Variants in IDE observed in about 807,000 individuals in gnomAD.
The protein encoded by IDE is insulin-degrading enzyme.
In IDE, 58 loss-of-function variants were observed where a neutral mutation model predicts 133.2. The ratio of observed to expected loss-of-function variants is 0.44; its 90% CI spans 0.35 to 0.54. The LOEUF is 0.54. Ranked by LOEUF, IDE falls within the 20% of genes least tolerant of loss-of-function variation. The probability of loss-of-function intolerance (pLI) is 0.00; values close to 1 mark genes in which losing one functional copy is unlikely to be tolerated. For synonymous variants in IDE, 396 were observed against 421.3 expected, an observed-to-expected ratio of 0.94 and a Z score of 0.73; for missense variants, 981 against 1,234.0, an observed-to-expected ratio of 0.79 and a Z score of 3.07.
chr10:92,513,522 G>A (rs1848736385), intron 5 of IDE, among the ~76,000 whole-genome samples: 1 of 152,040 alleles, frequency 6.6e-6, no homozygotes, highest in African/African-American at 2.4e-5. Flanking sequence ...ATTTTGTGGG[G>A]GGGATATGTC....
intron 5 of IDE, among the ~76,000 whole-genome samples, chr10:92,512,835 C>T (rs564123944): frequency 2.0e-5 from 3 of 152,092 alleles, no homozygotes; most frequent in Non-Finnish European, 4.4e-5. Flanking sequence ...CAAAAGTTAC[C>T]ATAATTTCAT....
chr10:92,489,620 A>G (rs1847226415), intron 12 of IDE, among the ~76,000 whole-genome samples: 2 of 152,142 alleles, frequency 1.3e-5, no homozygotes, highest in Admixed American at 1.3e-4. Context: ...ACTATTTCAG[A>G]CCCAGCACTA....
chr10:92,569,827 A>T lies in IDE; in HGVS notation c.98+4095T>A, dbSNP rs568348932. ...ATTGTGAGTCCTACTTTAAAAAGTT[A>T]TTCCGAGCGCAGTGGCTCACGCCTG... is the stretch of plus-strand genomic sequence containing the variant. On this transcript the variant is annotated intron_variant, in intron 1 of 24. Transcript: ENST00000265986. 4.6e-5 allele frequency among the ~76,000 whole-genome samples: 7 copies of T among 152,296 alleles called. No individual in the cohort carries two copies. The East Asian group carries it at 1.3e-3, about 29-fold the overall frequency.
Position 92,573,975 on chromosome 10 carries a change from G to A in IDE, c.45C>T (p.Ser15=). Residue 15 remains serine (S), a synonymous_variant, in exon 1 of 25, where the codon AGC becomes AGT. Coordinates refer to ENST00000265986, the MANE Select transcript of IDE (RefSeq NM_004969.4). The stretch of plus-strand genomic sequence containing the variant: ...GGGCGCCGAGGACTGAGCGGAAGGT[G>A]CTGGGCAGTGCGGGGTGCAGAAGCC... The part of the protein sequence containing the change: ...LAWLLHPALP[S]TFRSVLGARL... 1.3e-6 allele frequency: 2 copies of A among 1,504,704 alleles called. No homozygotes were observed. The highest frequency in any genetic ancestry group is 8.9e-7 in the Non-Finnish European group (1 of 1,129,788). The allele number at this position is 1,504,704 out of a possible 1,614,324, so 93.2% of individuals were successfully genotyped here.
chr10:92,558,226 G>A (rs1843109281), intron 1 of IDE, among the ~76,000 whole-genome samples: 3 of 151,970 alleles, frequency 2.0e-5, no homozygotes, highest in Admixed American at 2.0e-4. Flanking sequence ...CTAATTTTTG[G>A]TATTTTTAGT....
At chr10:92,505,743 T>A (rs1252157203) in intron 10 of IDE, among the ~76,000 whole-genome samples, 1 of 151,974 alleles carries the variant, frequency 6.6e-6, no homozygotes, top group Non-Finnish European at 1.5e-5. Flanking sequence ...CAGGCAAAGA[T>A]CAGATAGAAC....
In IDE at chr10:92,514,997, T is replaced by C; in HGVS notation, c.707A>G (p.Asp236Gly). ...GAATTTCAGTAGCTCTTGTCTTACA[T>C]CAATGCCTTCTTGGTTTGGTCTAGT... ...LETRPNQEGI[D>G]VRQELLKFHS... Residue 236 changes from aspartate (D) to glycine (G), a missense_variant, in exon 5 of 25, where the codon GAT becomes GGT. Asp to Gly is a moderately conservative substitution (Grantham distance 94). Coordinates refer to ENST00000265986, the MANE Select transcript of IDE (RefSeq NM_004969.4). 6.2e-7 allele frequency: 1 copy of C among 1,609,926 alleles called. No homozygotes were observed. The highest frequency in any genetic ancestry group is 8.5e-7 in the Non-Finnish European group (1 of 1,176,424).
intron 21 of IDE, 98 bp downstream of exon 21, chr10:92,463,633 A>G: frequency 8.9e-7 from 1 of 1,122,176 alleles, no homozygotes; most frequent in African/African-American, 1.5e-5. Flanking sequence ...CAAATAGGTA[A>G]CGGAATATCA....
In IDE at chr10:92,485,125, C is replaced by CTT. The variant is rs34615998; in HGVS notation, c.1657-1790_1657-1789dup. 2.7e-3 allele frequency among the ~76,000 whole-genome samples: 268 copies of CTT among 100,820 alleles called. 4 individuals carry two copies. Among genetic ancestry groups the CTT allele is most frequent in the African/African-American group, 7.0e-3 (179 of 25,546 alleles). The allele number at this position is 100,820 out of a possible 152,430, so 66.1% of individuals were successfully genotyped here. A position where few individuals can be genotyped will look rare whatever the true frequency, so the allele number is the denominator to read the frequency against. On this transcript the variant is annotated intron_variant, in intron 13 of 24. Coordinates refer to ENST00000265986, the MANE Select transcript of IDE (RefSeq NM_004969.4). ...TTTCTTTTTCTTTCTTTCTTTCTTT[C>CTT]TTTTTTTTTTTTTTTTTTTGTGACA...
chr10:92,484,378 C>T (rs1483143950), intron 13 of IDE, among the ~76,000 whole-genome samples: 3 of 152,230 alleles, frequency 2.0e-5, no homozygotes, highest in Middle Eastern at 6.8e-3. Context: ...GATCATGCCA[C>T]TGCACTCCAG....
intron 22 of IDE, among the ~76,000 whole-genome samples, chr10:92,459,708 A>G (rs1368134668): frequency 2.0e-5 from 3 of 152,116 alleles, no homozygotes; most frequent in African/African-American, 7.2e-5. Context: ...TTGCAGCACA[A>G]ATTTTGAGTT....
At chr10:92,455,754 G>C in intron 23 of IDE, 111 bp from the exon 24 acceptor site, 1 of 646,880 alleles carries the variant, frequency 1.5e-6, no homozygotes, top group East Asian at 2.6e-5. Context: ...CACCAGCCCC[G>C]TTCATGTACT....
chr10:92,540,357 T>C (rs1842237013), intron 1 of IDE, among the ~76,000 whole-genome samples: 1 of 152,242 alleles, frequency 6.6e-6, no homozygotes, highest in Admixed American at 6.5e-5. Flanking sequence ...AACATTAATT[T>C]GAGTTCAATA....
chr10:92,483,682 C>T (rs1280565170), intron 13 of IDE, among the ~76,000 whole-genome samples: 5 of 152,158 alleles, frequency 3.3e-5, no homozygotes, highest in African/African-American at 1.2e-4. Context: ...CCCTTGCAAG[C>T]GTATGGCAGC....
chr10:92,517,705 G>C (rs890324393), intron 4 of IDE, among the ~76,000 whole-genome samples: 14 of 152,156 alleles, frequency 9.2e-5, no homozygotes, highest in African/African-American at 3.4e-4. Flanking sequence ...GATCATGCCT[G>C]TAATCCCAGC....
intron 15 of IDE, 56 bp downstream of exon 15, chr10:92,479,221 T>A (rs987017339): frequency 1.7e-5 from 23 of 1,336,558 alleles, no homozygotes; most frequent in Non-Finnish European, 2.2e-5. Context: ...AATGCTTCCA[T>A]CAAATCAATA....
At chr10:92,455,520 C>A in intron 24 of IDE, 56 bp downstream of exon 24, 1 of 1,093,422 alleles carries the variant, frequency 9.1e-7, no homozygotes, top group Non-Finnish European at 1.4e-6. Flanking sequence ...CAAGCTGCTT[C>A]TTCTAAATAG....
intron 13 of IDE, among the ~76,000 whole-genome samples, chr10:92,483,752 C>T (rs1172289732): frequency 2.0e-5 from 3 of 152,078 alleles, no homozygotes; most frequent in East Asian, 1.9e-4. Flanking sequence ...CTTGGGTGGT[C>T]CCCTCCCACA....
intron 4 of IDE, among the ~76,000 whole-genome samples, chr10:92,518,720 A>G (rs987514301): frequency 2.0e-5 from 3 of 152,272 alleles, no homozygotes; most frequent in Admixed American, 6.5e-5. Flanking sequence ...TACAAAAATT[A>G]TCAGAGGAAT....
Sources: gnomAD v4.1 joint callset for allele counts (sites outside exome capture counted in the v4.1 genomes callset) on GRCh38, gnomAD v4.1.1 for gene constraint, MANE v1.5 for transcripts, NCBI Gene and HGNC (gene_info 2026-07-23, HGNC 2026-07-21) for gene names.